Variants in PCDH7 observed in about 807,000 individuals in gnomAD.
PCDH7 encodes the protein protocadherin 7, also known as protocadherin-7.
PCDH7 carries 17 observed loss-of-function variants against 58.9 expected under a neutral mutation model. The observed-to-expected ratio is 0.29, with a 90% CI of 0.20 to 0.43. The LOEUF (loss-of-function observed/expected upper bound fraction) is 0.43, where lower values mean the gene tolerates loss of function less well. PCDH7 is among the 20% of genes least tolerant of loss of function. The probability of loss-of-function intolerance (pLI) is 1.00; values close to 1 mark genes in which losing one functional copy is unlikely to be tolerated. For missense variants in PCDH7, 1,274 were observed against 1,441.0 expected (o/e 0.88, Z 1.88); for synonymous variants, 664 against 616.4 (o/e 1.08, Z -1.14).
In PCDH7 at chr4:30,721,457, G is replaced by T; in HGVS notation, c.35G>T (p.Gly12Val). ...ATGCGGACCGCGGGATGGGCGCGCG[G>T]CTGGTGCTTGGGCTGCTGCCTCCTC... is the stretch of plus-strand genomic sequence containing the variant. Residue 12 changes from glycine to valine, a missense_variant, in exon 1 of 2, where the codon GGC (glycine) becomes GTC (valine). Physicochemically the swap from Gly to Val is moderately radical, Grantham distance 109. Transcript: ENST00000361762. The surrounding 1 kb of genome is among the most constrained non-coding windows in gnomAD (Gnocchi z 6.7). The T allele has an allele frequency of 1.3e-6, 2 of 1,555,170 alleles. No individual in the cohort carries two copies. The highest frequency in any genetic ancestry group is 1.7e-6 in the Non-Finnish European group (2 of 1,154,964).
intron 1 of PCDH7, chr4:30,884,470 A>C (rs563847637): frequency 6.6e-6 from 1 of 152,282 alleles, no homozygotes; most frequent in East Asian, 1.9e-4. Context: ...CAATTAGGGT[A>C]GTGCATAGTA....
intron 3 of PCDH7, among the ~76,000 whole-genome samples, chr4:31,097,899 A>T (rs1440175338): frequency 6.6e-6 from 1 of 152,058 alleles, no homozygotes; most frequent in Non-Finnish European, 1.5e-5. Flanking sequence ...CTAAAGATGT[A>T]GGCCACTGTT....
intron 1 of PCDH7, among the ~76,000 whole-genome samples, chr4:30,779,561 C>T (rs747572243): frequency 1.2e-4 from 18 of 152,228 alleles, no homozygotes; most frequent in East Asian, 3.9e-4. Context: ...TAGAAATTCA[C>T]GTATTATCAA....
At chr4:31,024,058 T>C (rs992794791) in intron 3 of PCDH7, among the ~76,000 whole-genome samples, 9 of 152,204 alleles carry the variant, frequency 5.9e-5, no homozygotes, top group African/African-American at 2.2e-4. Flanking sequence ...GCATTAAAAC[T>C]TTGAAATGCT....
At chr4:30,875,075 G>T (rs982359612) in intron 1 of PCDH7, among the ~76,000 whole-genome samples, 1 of 152,036 alleles carries the variant, frequency 6.6e-6, no homozygotes, top group Admixed American at 6.6e-5. Context: ...TGCTAGCACT[G>T]TTATAACAAA....
At chr4:30,932,989 G>A (rs1405047890) in intron 2 of PCDH7, among the ~76,000 whole-genome samples, 1 of 151,846 alleles carries the variant, frequency 6.6e-6, no homozygotes, top group African/African-American at 2.4e-5. Context: ...GTTGCCTAAA[G>A]AGGAGGATGG....
intron 1 of PCDH7, among the ~76,000 whole-genome samples, chr4:30,878,603 A>AT (rs1438835728): frequency 2.0e-5 from 3 of 152,030 alleles, no homozygotes; most frequent in African/African-American, 7.2e-5. Context: ...TAAAAGAAAT[A>AT]TTTGGGGGGC....
At chr4:30,763,504 A>C (rs1345670238) in intron 1 of PCDH7, among the ~76,000 whole-genome samples, 1 of 152,222 alleles carries the variant, frequency 6.6e-6, no homozygotes. Context: ...GGAGGCTTAG[A>C]AACTTCTCAA....
chr4:30,864,890 G>A (rs1259439526), intron 1 of PCDH7, among the ~76,000 whole-genome samples: 1 of 151,924 alleles, frequency 6.6e-6, no homozygotes, highest in African/African-American at 2.4e-5. Context: ...AAATGAAGGA[G>A]ATAAACTTCA....
chr4:30,911,038 G>T (rs1185328338), intron 1 of PCDH7, among the ~76,000 whole-genome samples: 1 of 152,028 alleles, frequency 6.6e-6, no homozygotes, highest in African/African-American at 2.4e-5. Flanking sequence ...AACCATCCTT[G>T]TCAGCAAACT....
At chr4:31,143,483 T>A (rs1720476223), downstream of PCDH7, 1 of 152,148 alleles carries the variant, frequency 6.6e-6, no homozygotes, top group South Asian at 2.1e-4. Flanking sequence ...ACTCAGTGGG[T>A]GATTGCAGTC....
At chr4:30,782,001 TTTTAA>T (rs1722868215) in intron 1 of PCDH7, among the ~76,000 whole-genome samples, 1 of 152,216 alleles carries the variant, frequency 6.6e-6, no homozygotes, top group African/African-American at 2.4e-5. Context: ...AGAATGAGTC[TTTTAA>T]TTAATTCTTT....
chr4:31,018,721 T>TTGAGGCAGCTGTTTGCTTA (rs1753801700), intron 3 of PCDH7, among the ~76,000 whole-genome samples: 1 of 152,230 alleles, frequency 6.6e-6, no homozygotes, highest in African/African-American at 2.4e-5. Flanking sequence ...CTGACAGAAA[T>TTGAGGCAGCTGTTTGCTTA]TGAGGCAGCT....
intron 3 of PCDH7, among the ~76,000 whole-genome samples, chr4:30,998,229 A>G (rs1752066163): frequency 6.6e-6 from 1 of 152,190 alleles, no homozygotes; most frequent in African/African-American, 2.4e-5. Flanking sequence ...CAGAACCAAC[A>G]GTAGATCATG....
At chr4:30,970,573 A>G (rs559399314) in intron 3 of PCDH7, among the ~76,000 whole-genome samples, 15 of 152,328 alleles carry the variant, frequency 9.8e-5, no homozygotes, top group Admixed American at 9.8e-4. Context: ...GATTAAAGGC[A>G]TAAGCCACCG....
chr4:30,805,187 G>A (rs1028862476), intron 1 of PCDH7, among the ~76,000 whole-genome samples: 1 of 152,114 alleles, frequency 6.6e-6, no homozygotes, highest in African/African-American at 2.4e-5. Flanking sequence ...GTGCCCCCAG[G>A]ATTTTGTTTT....
At chr4:31,073,784 A>C (rs1758755105) in intron 3 of PCDH7, among the ~76,000 whole-genome samples, 1 of 152,172 alleles carries the variant, frequency 6.6e-6, no homozygotes, top group African/African-American at 2.4e-5. Flanking sequence ...AAATATGTAA[A>C]TCATAATCCT....
chr4:31,023,584 A>G (rs1754196558), intron 3 of PCDH7, among the ~76,000 whole-genome samples: 1 of 152,186 alleles, frequency 6.6e-6, no homozygotes, highest in South Asian at 2.1e-4. Flanking sequence ...ATGTGTGTGC[A>G]GGTAAGAAAC....
intron 1 of PCDH7, among the ~76,000 whole-genome samples, chr4:30,856,496 A>G (rs191497834): frequency 1.6e-4 from 24 of 152,214 alleles, no homozygotes; most frequent in Admixed American, 1.2e-3. Context: ...AAAGCTTAGA[A>G]GTCAGATATT....
Sources: allele counts gnomAD v4.1 joint callset (sites outside exome capture counted in the v4.1 genomes callset), GRCh38; gene constraint gnomAD v4.1.1; non-coding constraint Gnocchi (gnomAD v3.1); transcripts MANE v1.5; gene names NCBI Gene and HGNC (gene_info 2026-07-23, HGNC 2026-07-21).